SDK1: variants seen among roughly 807,000 people sequenced by gnomAD.
SDK1 encodes protein sidekick-1.
In SDK1, 157 loss-of-function variants were observed where a neutral mutation model predicts 245.5. The ratio of observed to expected loss-of-function variants is 0.64; its 90% confidence interval spans 0.56 to 0.73. The LOEUF is 0.73. Ranked by LOEUF, SDK1 falls within the 30% of genes least tolerant of loss-of-function variation. The pLI is 0.00. For missense variants in SDK1, 3,583 were observed against 3,002.3 expected (o/e 1.19, Z -4.52); for synonymous variants, 1,647 against 1,278.5 (o/e 1.29, Z -6.15).
Position 3,865,548 on chromosome 7 carries a change from G to A in SDK1, c.847+43965G>A, listed in dbSNP as rs143090114. 6.1e-3 allele frequency among the ~76,000 whole-genome samples: 935 copies of A among 152,178 alleles called. 10 individuals are homozygous for A. The highest frequency in any genetic ancestry group is 0.021 in the African/African-American group (863 of 41,516). ...TTTGGAGACAAGGTCTCGCTCTGTC[G>A]CCCAGGTTGGAGTGCAGTGGTGTAA... On this transcript the variant is annotated intron_variant, in intron 5 of 44. Transcript: ENST00000404826.
At chr7:3,608,499 T>G (rs1781491246) in intron 1 of SDK1, among the ~76,000 whole-genome samples, 1 of 152,194 alleles carries the variant, frequency 6.6e-6, no homozygotes, top group Non-Finnish European at 1.5e-5. Context: ...TGGCTAAAGA[T>G]AAAAATTGAG....
intron 34 of SDK1, among the ~76,000 whole-genome samples, chr7:4,176,225 C>T (rs111973966): frequency 0.023 from 3,442 of 151,224 alleles, 112 homozygotes; most frequent in African/African-American, 0.076. Context: ...TGCAGTGGCA[C>T]GATCACAGCT....
intron 20 of SDK1, among the ~76,000 whole-genome samples, chr7:4,071,470 T>C (rs1350488399): frequency 2.6e-5 from 4 of 152,198 alleles, no homozygotes; most frequent in Non-Finnish European, 5.9e-5. Flanking sequence ...CTGTTGCACA[T>C]TCTGAAGTCA....
chr7:3,784,856 A>G (rs1780851599), intron 4 of SDK1, among the ~76,000 whole-genome samples: 4 of 152,212 alleles, frequency 2.6e-5, no homozygotes, highest in Admixed American at 2.6e-4. Flanking sequence ...ACCTCTGGGC[A>G]TTTACCGAAA....
chr7:4,093,080 C>T (rs1032247907), intron 22 of SDK1, among the ~76,000 whole-genome samples: 1 of 152,036 alleles, frequency 6.6e-6, no homozygotes, highest in East Asian at 1.9e-4. Flanking sequence ...CATTGAAAGG[C>T]CCTATAATAA....
At chr7:3,892,247 A>G (rs1326935942) in intron 5 of SDK1, among the ~76,000 whole-genome samples, 4 of 152,170 alleles carry the variant, frequency 2.6e-5, no homozygotes, top group East Asian at 1.9e-4. Context: ...TCAAATCTCC[A>G]TGGCTTCCAA....
At chr7:4,139,961 C>T (rs1157332263) in intron 28 of SDK1, among the ~76,000 whole-genome samples, 1 of 152,080 alleles carries the variant, frequency 6.6e-6, no homozygotes, top group African/African-American at 2.4e-5. Context: ...ACAACAAGAC[C>T]CCACTGTTCT....
At chr7:3,762,343 G>A (rs543865142) in intron 4 of SDK1, among the ~76,000 whole-genome samples, 1 of 152,256 alleles carries the variant, frequency 6.6e-6, no homozygotes, top group Admixed American at 6.5e-5. Context: ...TGCAGCGCTT[G>A]GATAGTCCTG....
At chr7:3,378,772 C>T (rs1412242732) in intron 1 of SDK1, among the ~76,000 whole-genome samples, 3 of 150,282 alleles carry the variant, frequency 2.0e-5, no homozygotes, top group Non-Finnish European at 4.4e-5. Context: ...GGGCAGGGAG[C>T]ATATAGCGGG....
chr7:3,860,861 T>C (rs575220863), intron 5 of SDK1, among the ~76,000 whole-genome samples: 48 of 152,274 alleles, frequency 3.2e-4, no homozygotes, highest in Non-Finnish European at 6.3e-4. Flanking sequence ...CCAATGAGAA[T>C]TGCTGACCAA....
chr7:3,934,965 C>T (rs573727458), intron 5 of SDK1, among the ~76,000 whole-genome samples: 1 of 152,302 alleles, frequency 6.6e-6, no homozygotes, highest in East Asian at 1.9e-4. Flanking sequence ...GTGTTGCTTA[C>T]CCAAGGAGGG....
intron 22 of SDK1, among the ~76,000 whole-genome samples, chr7:4,101,292 CCACCA>C (rs1290152826): frequency 1.3e-5 from 2 of 152,074 alleles, no homozygotes; most frequent in South Asian, 2.1e-4. Context: ...CAGGTGCCCG[CCACCA>C]CACCACGCCC....
chr7:3,782,859 C>G (rs1780786911), intron 4 of SDK1, among the ~76,000 whole-genome samples: 1 of 152,154 alleles, frequency 6.6e-6, no homozygotes, highest in South Asian at 2.1e-4. Context: ...TCTGTACTTC[C>G]AAAAATCTTT....
intron 5 of SDK1, among the ~76,000 whole-genome samples, chr7:3,909,188 C>A (rs781464041): frequency 2.0e-4 from 30 of 152,182 alleles, no homozygotes; most frequent in African/African-American, 6.3e-4. Flanking sequence ...CGCAGTGAGA[C>A]CCTCATCCTC....
chr7:3,414,882 A>G (rs572391976), intron 1 of SDK1, among the ~76,000 whole-genome samples: 1 of 152,286 alleles, frequency 6.6e-6, no homozygotes, highest in East Asian at 1.9e-4. Context: ...TTAAAGATGC[A>G]TCCATGTTGT....
intron 4 of SDK1, among the ~76,000 whole-genome samples, chr7:3,737,443 T>C (rs1345048232): frequency 6.6e-6 from 1 of 152,216 alleles, no homozygotes; most frequent in Non-Finnish European, 1.5e-5. Context: ...CTCTGCTAGG[T>C]GGGGCTTGGC....
chr7:3,552,348 C>T lies in SDK1; in HGVS notation c.299-66732C>T, dbSNP rs556048958. Among the ~76,000 whole-genome samples the T allele has an allele frequency of 1.3e-3, 193 of 152,246 alleles. 1 individual carries two copies. The highest frequency in any genetic ancestry group is 1.2e-4 in the Non-Finnish European group (8 of 68,000). ...GAGCCACCGCGCCCAGCTGATTTTA[C>T]TCTTTTGAACCCTGTGGTTCCTGGA... On this transcript the variant is annotated intron_variant, in intron 1 of 44. Coordinates refer to ENST00000404826, the MANE Select transcript of SDK1 (RefSeq NM_152744.4).
intron 5 of SDK1, among the ~76,000 whole-genome samples, chr7:3,851,728 A>G (rs1427366539): frequency 6.6e-6 from 1 of 152,230 alleles, no homozygotes; most frequent in Non-Finnish European, 1.5e-5. Context: ...CCTTCCTCAT[A>G]GGTAGAAATG....
chr7:4,065,940 C>T (rs1056918161), intron 19 of SDK1, among the ~76,000 whole-genome samples: 1 of 151,876 alleles, frequency 6.6e-6, no homozygotes, highest in Non-Finnish European at 1.5e-5. Context: ...TGACTTCATG[C>T]TCTCCTATTT....
Sources: gnomAD v4.1 joint callset for allele counts (sites outside exome capture counted in the v4.1 genomes callset) on GRCh38, gnomAD v4.1.1 for gene constraint, MANE v1.5 for transcripts, NCBI Gene and HGNC (gene_info 2026-07-23, HGNC 2026-07-21) for gene names.